UGGT2: variants seen among roughly 807,000 people sequenced by gnomAD.
UGGT2 encodes the protein UDP-glucose:glycoprotein glucosyltransferase 2.
Under a neutral mutation model 192.1 loss-of-function variants are expected in UGGT2, and 180 were observed. The ratio of observed to expected loss-of-function variants is 0.94; its 90% CI spans 0.83 to 1.06. UGGT2 has a LOEUF of 1.06. UGGT2 is among the 50% of genes least tolerant of loss of function. UGGT2 has a pLI of 0.00. For synonymous variants in UGGT2, 580 were observed against 591.0 expected, an observed-to-expected ratio of 0.98 and a Z score of 0.27; for missense variants, 1,849 against 1,795.7, an observed-to-expected ratio of 1.03 and a Z score of -0.54.
intron 15 of UGGT2, 49 bp from the exon 16 acceptor site, chr13:95,940,140 TTTTC>T: frequency 1.5e-6 from 2 of 1,331,268 alleles, no homozygotes; most frequent in Non-Finnish European, 1.0e-6. Flanking sequence ...TAGCAATTAG[TTTTC>T]TTTTTTTTCC....
chr13:96,026,292 TGA>T (rs1390361606), intron 2 of UGGT2, among the ~76,000 whole-genome samples: 1 of 152,154 alleles, frequency 6.6e-6, no homozygotes, highest in Non-Finnish European at 1.5e-5. Context: ...GAGTTATTCA[TGA>T]GGCACCAACC....
intron 15 of UGGT2, among the ~76,000 whole-genome samples, chr13:95,941,704 A>G (rs1163457972): frequency 6.6e-6 from 1 of 152,174 alleles, no homozygotes; most frequent in Admixed American, 6.5e-5. Context: ...CACATTTTTA[A>G]ATTTTAAAAA....
At chr13:96,023,529 C>A in intron 3 of UGGT2, 100 bp downstream of exon 3, 1 of 1,287,416 alleles carries the variant, frequency 7.8e-7, no homozygotes, top group Non-Finnish European at 1.0e-6. Flanking sequence ...CAACTATAAA[C>A]TTGTAGATCA....
chr13:95,857,084 G>A (rs962301632), intron 33 of UGGT2, among the ~76,000 whole-genome samples: 1 of 151,986 alleles, frequency 6.6e-6, no homozygotes, highest in African/African-American at 2.4e-5. Context: ...ACTAGTTTCT[G>A]GTTATATGTT....
Position 95,943,692 on chromosome 13 carries a change from T to G in UGGT2, c.1677+3345A>C, listed in dbSNP as rs139906764. Among the ~76,000 whole-genome samples, 582 of 152,170 alleles carry G rather than the reference T, an allele frequency of 3.8e-3. 4 individuals carry two copies. Among genetic ancestry groups the G allele is most frequent in the African/African-American group, 0.013 (553 of 41,580 alleles). On this transcript the variant is annotated intron_variant, in intron 15 of 38. Coordinates refer to ENST00000376747, the MANE Select transcript of UGGT2 (RefSeq NM_020121.4). ...CTCCTGTGTCAAATCTCACAATCAA[T>G]GGATTCTTTTGAGTCTCCTCTGTAG... is the stretch of plus-strand genomic sequence containing the variant.
In UGGT2 at chr13:96,036,214, T is replaced by C. The variant is rs143109564; in HGVS notation, c.159-4243A>G. Among the ~76,000 whole-genome samples, 1,411 of 152,304 alleles carry C rather than the reference T, an allele frequency of 9.3e-3. 20 individuals carry two copies. The highest frequency in any genetic ancestry group is 0.016 in the South Asian group (79 of 4,830). On this transcript the variant is annotated intron_variant, in intron 1 of 38. Coordinates refer to ENST00000376747, the MANE Select transcript of UGGT2 (RefSeq NM_020121.4). ...GTGGTATATATACACTACAGAATACTATGCAGCCATAAAAATGAACAAGGT... is the reference window on the plus strand; with the variant it reads ...GTGGTATATATACACTACAGAATACCATGCAGCCATAAAAATGAACAAGGT...
intron 1 of UGGT2, among the ~76,000 whole-genome samples, chr13:96,049,630 G>A (rs1451378019): frequency 6.6e-6 from 1 of 152,156 alleles, no homozygotes; most frequent in South Asian, 2.1e-4. Context: ...CTTCAGCAAA[G>A]TCTCAGGATA....
intron 4 of UGGT2, among the ~76,000 whole-genome samples, chr13:96,015,406 GCT>G (rs2052303676): frequency 6.6e-6 from 1 of 152,060 alleles, no homozygotes; most frequent in Admixed American, 6.6e-5. Context: ...AAAGGTAAGG[GCT>G]CTCTACCATT....
Position 96,023,670 on chromosome 13 carries a change from A to C in UGGT2, c.331T>G (p.Ser111Ala). ...LHINLLKFAF[S>A]IRAYSPAIQM... ...ATAGCTGGGGAGTATGCCCTTATAG[A>C]GAAAGCAAACTTTAAAAGGTTGATG... is the stretch of plus-strand genomic sequence containing the variant. Residue 111 changes from serine to alanine, a missense_variant, in exon 3 of 39, where the codon TCT (serine) becomes GCT (alanine). Physicochemically the swap from Ser to Ala is moderately conservative, Grantham distance 99. Coordinates refer to ENST00000376747, the MANE Select transcript of UGGT2 (RefSeq NM_020121.4). 1 of 1,612,250 alleles carries C rather than the reference A, an allele frequency of 6.2e-7. No individual in the cohort carries two copies. Among genetic ancestry groups the C allele is most frequent in the Non-Finnish European group, 8.5e-7 (1 of 1,178,770 alleles).
chr13:95,991,505 T>C (rs1566802419), intron 7 of UGGT2: 1 of 452,546 alleles, frequency 2.2e-6, no homozygotes, highest in South Asian at 1.6e-5. Context: ...ATACAGAATA[T>C]ACATAAATAT....
intron 36 of UGGT2, 77 bp from the exon 37 acceptor site, chr13:95,837,279 T>C (rs1887393519): frequency 2.1e-6 from 2 of 949,070 alleles, no homozygotes; most frequent in Non-Finnish European, 3.5e-6. Context: ...AAGTAAGACA[T>C]CAGTTAGACT....
intron 26 of UGGT2, among the ~76,000 whole-genome samples, chr13:95,887,055 A>T (rs1440197354): frequency 2.0e-5 from 3 of 152,160 alleles, no homozygotes; most frequent in Non-Finnish European, 4.4e-5. Flanking sequence ...CTCCAAAAAA[A>T]ATAAAAATAA....
chr13:95,940,122 T>G, intron 15 of UGGT2, 31 bp from the exon 16 acceptor site: 1 of 1,399,034 alleles, frequency 7.1e-7, no homozygotes, highest in Non-Finnish European at 9.6e-7. Context: ...TAATTAATTT[T>G]CTTCTTATAG....
At chr13:95,918,404 C>T (rs2048744690) in intron 20 of UGGT2, among the ~76,000 whole-genome samples, 1 of 152,134 alleles carries the variant, frequency 6.6e-6, no homozygotes. Flanking sequence ...ATTTATAGCA[C>T]TAAATGCCCA....
At chr13:95,804,835 A>G (rs906656444) in intron 38 of UGGT2, among the ~76,000 whole-genome samples, 1 of 152,230 alleles carries the variant, frequency 6.6e-6, no homozygotes, top group East Asian at 1.9e-4. Flanking sequence ...AAATTATAAA[A>G]CTCCTGAGGA....
chr13:95,869,260 G>A (rs995030133), intron 29 of UGGT2, among the ~76,000 whole-genome samples: 1 of 151,950 alleles, frequency 6.6e-6, no homozygotes, highest in Non-Finnish European at 1.5e-5. Flanking sequence ...GTGTATATGT[G>A]CCACATTTTC....
intron 22 of UGGT2, among the ~76,000 whole-genome samples, chr13:95,897,306 A>T (rs1300570135): frequency 1.3e-5 from 2 of 152,008 alleles, no homozygotes; most frequent in Non-Finnish European, 2.9e-5. Context: ...TATAAAACAA[A>T]AAAAAGACCC....
At chr13:95,872,009 A>T (rs1458121054) in intron 29 of UGGT2, among the ~76,000 whole-genome samples, 1 of 152,176 alleles carries the variant, frequency 6.6e-6, no homozygotes, top group African/African-American at 2.4e-5. Flanking sequence ...TCTCAAAGGT[A>T]CCAAACTAAA....
intron 17 of UGGT2, among the ~76,000 whole-genome samples, chr13:95,929,120 T>C (rs1033121187): frequency 2.6e-5 from 4 of 151,568 alleles, no homozygotes; most frequent in East Asian, 1.9e-4. Flanking sequence ...GGCAGGGAGG[T>C]TGCAGTGAGC....
Sources: gnomAD v4.1 joint callset for allele counts (sites outside exome capture counted in the v4.1 genomes callset) on GRCh38, gnomAD v4.1.1 for gene constraint, MANE v1.5 for transcripts, NCBI Gene and HGNC (gene_info 2026-07-23, HGNC 2026-07-21) for gene names.